Variants in TMCO6 observed in about 807,000 individuals in gnomAD.
TMCO6 encodes the protein transmembrane and coiled-coil domains 6, also known as transmembrane and coiled-coil domain-containing protein 6.
TMCO6 carries 47 observed loss-of-function variants against 61.8 expected under a neutral mutation model. That is an observed-to-expected ratio of 0.76 (90% confidence interval 0.60 to 0.97). The LOEUF (loss-of-function observed/expected upper bound fraction) is 0.97, where lower values mean the gene tolerates loss of function less well. Among genes scored for constraint, TMCO6 ranks in the 50% least tolerant of loss-of-function variants. TMCO6 has a pLI of 0.00. For synonymous variants in TMCO6, 261 were observed against 254.2 expected, an observed-to-expected ratio of 1.03 and a Z score of -0.25; for missense variants, 557 against 601.6, an observed-to-expected ratio of 0.93 and a Z score of 0.78.
the TMCO6 span, among the ~76,000 whole-genome samples, chr5:140,606,853 T>A: frequency 6.6e-6 from 1 of 152,246 alleles, no homozygotes; most frequent in East Asian, 1.9e-4. Context: ...CCATGCTTAT[T>A]AATTGCCCCT....
At chr5:140,633,818 C>CT in the TMCO6 span, 1 of 122,252 alleles carries the variant, frequency 8.2e-6, no homozygotes, top group East Asian at 2.4e-4. Flanking sequence ...GAGATAGAGT[C>CT]TTGCTCTGTT....
chr5:140,631,694 A>G, the TMCO6 span: 1 of 670,000 alleles, frequency 1.5e-6, no homozygotes, highest in South Asian at 2.1e-5. Context: ...CACATAGCAG[A>G]CATCCAATAA....
At chr5:140,645,607 C>T (rs142478462), downstream of TMCO6, 290 of 1,614,050 alleles carry the variant, frequency 1.8e-4, no homozygotes, top group Middle Eastern at 3.3e-4. Flanking sequence ...CCACTTAGAA[C>T]GTTCTCCAGG....
At chr5:140,639,448 T>C, upstream of TMCO6, 1 of 1,406,344 alleles carries the variant, frequency 7.1e-7, no homozygotes, top group Non-Finnish European at 9.8e-7. Flanking sequence ...GTGCTGAGGC[T>C]GCGCAGTCGG....
At chr5:140,611,476 T>C in the TMCO6 span, among the ~76,000 whole-genome samples, 10 of 152,342 alleles carry the variant, frequency 6.6e-5, no homozygotes, top group Middle Eastern at 3.4e-3. Flanking sequence ...GTCTGTGTTT[T>C]ACTGTCTGCG....
chr5:140,599,130 G>C, the TMCO6 span, among the ~76,000 whole-genome samples: 1 of 152,180 alleles, frequency 6.6e-6, no homozygotes, highest in Non-Finnish European at 1.5e-5. Flanking sequence ...GTTCTTGTTG[G>C]CATTTTGTGC....
the TMCO6 span, among the ~76,000 whole-genome samples, chr5:140,613,131 C>G: frequency 6.6e-6 from 1 of 152,142 alleles, no homozygotes; most frequent in Non-Finnish European, 1.5e-5. Flanking sequence ...TGGCTCATGC[C>G]TGTAATCCCA....
At chr5:140,627,768 C>T in the TMCO6 span, among the ~76,000 whole-genome samples, 1,404 of 149,222 alleles carry the variant, frequency 9.4e-3, 12 homozygotes, top group Non-Finnish European at 0.012. Context: ...TGGTGGCGGG[C>T]GCATGTAGTC....
chr5:140,625,890 A>G, the TMCO6 span, among the ~76,000 whole-genome samples: 3 of 152,200 alleles, frequency 2.0e-5, no homozygotes, highest in Non-Finnish European at 4.4e-5. Context: ...TAGAGGAGGC[A>G]TAGGGAGTTG....
chr5:140,639,244 G>C (rs1756862743), upstream of TMCO6: 1 of 396,690 alleles, frequency 2.5e-6, no homozygotes, highest in African/African-American at 2.2e-5. Flanking sequence ...TCAGGGATGA[G>C]AGACTTTTTT....
At chr5:140,636,639 C>T (rs1756777231), upstream of TMCO6, among the ~76,000 whole-genome samples, 1 of 151,986 alleles carries the variant, frequency 6.6e-6, no homozygotes, top group Non-Finnish European at 1.5e-5. Context: ...AGCAGGTACT[C>T]AGTAAATGGC....
chr5:140,624,254 A>G, the TMCO6 span, among the ~76,000 whole-genome samples: 7 of 151,846 alleles, frequency 4.6e-5, no homozygotes, highest in Non-Finnish European at 1.5e-5. Context: ...AATCCCAGCT[A>G]CTCAGGAGGC....
the TMCO6 span, among the ~76,000 whole-genome samples, chr5:140,627,285 A>G: frequency 6.6e-6 from 1 of 152,124 alleles, no homozygotes; most frequent in Non-Finnish European, 1.5e-5. Context: ...CACCAGACAG[A>G]AGTGCAGATA....
At chr5:140,607,655 A>G in the TMCO6 span, among the ~76,000 whole-genome samples, 1 of 152,178 alleles carries the variant, frequency 6.6e-6, no homozygotes, top group African/African-American at 2.4e-5. Context: ...ACCATATCAC[A>G]TTCCCACCGA....
chr5:140,645,661 T>A, downstream of TMCO6: 4 of 1,614,180 alleles, frequency 2.5e-6, no homozygotes, highest in Non-Finnish European at 3.4e-6. Flanking sequence ...AAAGGGACAT[T>A]CGTCTCTTGG....
Position 140,643,638 on chromosome 5 carries a change from G to A in TMCO6, c.881G>A (p.Gly294Glu). 6.2e-7 allele frequency: 1 copy of A among 1,613,782 alleles called. No homozygotes were observed. Among genetic ancestry groups the A allele is most frequent in the Admixed American group, 1.7e-5 (1 of 59,964 alleles). ...GGGTTGCTGCTGTTGGACTTGGCTG[G>A]GGCTGTCCAGAAAACCGAGGATGCA... ...TLGLLLLDLA[G>E]AVQKTEDAGL... The change falls in exon 8 of 12, where the codon GGG (glycine) becomes GAG (glutamate). Residue 294 changes from glycine to glutamate, a missense_variant. Gly to Glu is a moderately conservative substitution (Grantham distance 98). Coordinates refer to ENST00000394671, the MANE Select transcript of TMCO6 (RefSeq NM_018502.5).
chr5:140,617,252 C>T, the TMCO6 span, among the ~76,000 whole-genome samples: 13 of 151,980 alleles, frequency 8.6e-5, no homozygotes, highest in African/African-American at 2.9e-4. Flanking sequence ...ATGGTGAAAC[C>T]CCGTCTCTAC....
At chr5:140,610,382 G>A in the TMCO6 span, among the ~76,000 whole-genome samples, 1 of 151,890 alleles carries the variant, frequency 6.6e-6, no homozygotes, top group Admixed American at 6.6e-5. Context: ...AGTTTTAGTA[G>A]GAACAATGGT....
In TMCO6 at chr5:140,644,183, G is replaced by A. The variant is rs773167076; in HGVS notation, c.1189G>A (p.Val397Met). 6.2e-7 allele frequency: 1 copy of A among 1,614,106 alleles called. No individual in the cohort carries two copies. The highest frequency in any genetic ancestry group is 1.1e-5 in the South Asian group (1 of 91,086). Residue 397 changes from valine to methionine, a missense_variant, in exon 10 of 12, where the codon GTG becomes ATG. Val to Met is a conservative substitution (Grantham distance 21). Coordinates refer to ENST00000394671, the MANE Select transcript of TMCO6 (RefSeq NM_018502.5). ...ACAGCTGTTGCCAGTATCTAACGTG[G>A]TGAGCGTAATGGTATGTATTGGGGT... ...LLQLLPVSNV[V>M]SVMVLTVLCN...
Sources: gnomAD v4.1 joint callset for allele counts (sites outside exome capture counted in the v4.1 genomes callset) on GRCh38, gnomAD v4.1.1 for gene constraint, MANE v1.5 for transcripts, NCBI Gene and HGNC (gene_info 2026-07-23, HGNC 2026-07-21) for gene names.